The following SCMH1 variants were observed in gnomAD, a reference collection of about 807,000 sequenced individuals.
SCMH1 encodes polycomb protein SCMH1.
A neutral mutation model predicts 70.8 loss-of-function variants in SCMH1; 37 were observed. That is an observed-to-expected ratio of 0.52 (90% confidence interval 0.40 to 0.69). The LOEUF is 0.69. SCMH1 is among the 30% of genes least tolerant of loss of function. The pLI, the probability that SCMH1 is intolerant of heterozygous loss-of-function variation, is 0.00. For synonymous variants in SCMH1, 292 were observed against 307.4 expected (o/e 0.95, Z 0.52); for missense variants, 607 against 827.3 (o/e 0.73, Z 3.27).
chr1:41,066,134 G>A (rs1446834095), intron 10 of SCMH1, among the ~76,000 whole-genome samples: 1 of 152,182 alleles, frequency 6.6e-6, no homozygotes, highest in Non-Finnish European at 1.5e-5. Flanking sequence ...AATGCAGTCT[G>A]CCAATGGCTA....
At chr1:41,049,760 T>G (rs1647350472) in intron 10 of SCMH1, among the ~76,000 whole-genome samples, 1 of 79,210 alleles carries the variant, frequency 1.3e-5, no homozygotes, top group Non-Finnish European at 2.3e-5. Context: ...GAGTGAGAAT[T>G]GGTCTCAAAA....
At chr1:41,172,202 C>T (rs1434004734) in intron 2 of SCMH1, among the ~76,000 whole-genome samples, 2 of 132,364 alleles carry the variant, frequency 1.5e-5, no homozygotes, top group African/African-American at 5.4e-5. Flanking sequence ...AAAAAAAAAA[C>T]GCTGTACCAA....
chr1:41,208,733 G>A (rs1656246796), intron 1 of SCMH1, among the ~76,000 whole-genome samples: 1 of 152,178 alleles, frequency 6.6e-6, no homozygotes, highest in East Asian at 1.9e-4. Context: ...AAAGCAGTGT[G>A]TTGAGGGAAA....
chr1:41,137,638 G>A (rs1643568613), intron 6 of SCMH1, among the ~76,000 whole-genome samples: 1 of 152,184 alleles, frequency 6.6e-6, no homozygotes, highest in Admixed American at 6.5e-5. Context: ...AGTTACTGTA[G>A]AGAGATATCT....
At chr1:41,068,351 A>C (rs1485238248) in intron 10 of SCMH1, among the ~76,000 whole-genome samples, 1 of 152,220 alleles carries the variant, frequency 6.6e-6, no homozygotes, top group Non-Finnish European at 1.5e-5. Flanking sequence ...AACTGAATAA[A>C]CAGGTATGAC....
chr1:41,143,668 A>G (rs984886091), intron 5 of SCMH1, among the ~76,000 whole-genome samples: 4 of 152,196 alleles, frequency 2.6e-5, no homozygotes, highest in Non-Finnish European at 5.9e-5. Context: ...TAAACCTGTG[A>G]AAGTATCACC....
chr1:41,132,120 G>A (rs1306077211), intron 6 of SCMH1, among the ~76,000 whole-genome samples: 3 of 152,098 alleles, frequency 2.0e-5, no homozygotes, highest in South Asian at 2.1e-4. Flanking sequence ...GAAGAATCGC[G>A]ACACTGTCTT....
intron 9 of SCMH1, among the ~76,000 whole-genome samples, chr1:41,072,475 A>G (rs1241230191): frequency 6.6e-6 from 1 of 152,230 alleles, no homozygotes; most frequent in Non-Finnish European, 1.5e-5. Context: ...GCCTTCCCAA[A>G]GTCACACAGG....
At chr1:41,083,867 C>A (rs999446842) in intron 8 of SCMH1, among the ~76,000 whole-genome samples, 2 of 152,128 alleles carry the variant, frequency 1.3e-5, no homozygotes, top group Non-Finnish European at 2.9e-5. Flanking sequence ...GAAAAACAAG[C>A]AATGGGGAAA....
intron 12 of SCMH1, among the ~76,000 whole-genome samples, chr1:41,038,845 G>T (rs1043086643): frequency 1.3e-5 from 2 of 152,122 alleles, no homozygotes; most frequent in African/African-American, 4.8e-5. Context: ...CAGGATATAG[G>T]AGACCTGGGT....
At chr1:41,084,460 T>C (rs565792475) in intron 8 of SCMH1, among the ~76,000 whole-genome samples, 3 of 152,222 alleles carry the variant, frequency 2.0e-5, no homozygotes, top group African/African-American at 7.2e-5. Context: ...TGGCGATCAT[T>C]AAAAAGTCAG....
intron 8 of SCMH1, among the ~76,000 whole-genome samples, chr1:41,103,610 T>C (rs1414480053): frequency 1.3e-5 from 2 of 152,242 alleles, no homozygotes; most frequent in Non-Finnish European, 2.9e-5. Context: ...ATGGGTTCTA[T>C]GTATTCCCAA....
At chr1:41,222,427 T>G (rs1428522480) in intron 1 of SCMH1, among the ~76,000 whole-genome samples, 1 of 152,190 alleles carries the variant, frequency 6.6e-6, no homozygotes, top group African/African-American at 2.4e-5. Context: ...TATAGTTATA[T>G]ACTTACAGCT....
At chr1:41,068,118 A>T (rs916376555) in intron 10 of SCMH1, among the ~76,000 whole-genome samples, 8 of 152,230 alleles carry the variant, frequency 5.3e-5, no homozygotes, top group Non-Finnish European at 8.8e-5. Context: ...CCTTTTATGG[A>T]GAGCATTTTG....
intron 2 of SCMH1, among the ~76,000 whole-genome samples, chr1:41,173,765 TG>T (rs1272374504): frequency 1.3e-5 from 2 of 152,090 alleles, no homozygotes; most frequent in African/African-American, 4.8e-5. Flanking sequence ...ATATAAACAA[TG>T]GGATACTATT....
intron 2 of SCMH1, among the ~76,000 whole-genome samples, chr1:41,172,184 CAAAA>C (rs377457192): frequency 1.2e-5 from 1 of 85,812 alleles, no homozygotes; most frequent in African/African-American, 5.3e-5. Flanking sequence ...GACTCCATCT[CAAAA>C]AAAAAAAAAA....
intron 1 of SCMH1, among the ~76,000 whole-genome samples, chr1:41,203,487 A>C (rs1459111401): frequency 1.3e-5 from 2 of 152,220 alleles, no homozygotes; most frequent in Non-Finnish European, 2.9e-5. Context: ...GCACTGCTCT[A>C]AGCACATTCC....
At chr1:41,094,448 C>G (rs796589321) in intron 8 of SCMH1, among the ~76,000 whole-genome samples, 5 of 152,202 alleles carry the variant, frequency 3.3e-5, no homozygotes, top group African/African-American at 1.2e-4. Flanking sequence ...GTGAAAGGGT[C>G]TTGGGGATCC....
At chr1:41,037,626 G>A in intron 12 of SCMH1, 85 bp from the exon 13 acceptor site, 1 of 1,230,442 alleles carries the variant, frequency 8.1e-7, no homozygotes, top group South Asian at 1.4e-5. Context: ...GGAGCAAGCA[G>A]CAACAACAGA....
Sources: allele counts gnomAD v4.1 joint callset (sites outside exome capture counted in the v4.1 genomes callset), GRCh38; gene constraint gnomAD v4.1.1; transcripts MANE v1.5; gene names NCBI Gene and HGNC (gene_info 2026-07-23, HGNC 2026-07-21).